The following TET3 variants were observed in gnomAD, a reference collection of about 807,000 sequenced individuals.
The protein encoded by TET3 is methylcytosine dioxygenase TET3.
TET3 carries 19 observed loss-of-function variants against 141.4 expected under a neutral mutation model. The observed-to-expected ratio is 0.13, with a 90% CI of 0.09 to 0.20. TET3 has a LOEUF of 0.20. Ranked by LOEUF, TET3 falls within the 10% of genes least tolerant of loss-of-function variation. TET3 has a pLI of 1.00. For missense variants in TET3, 1,874 were observed against 2,356.9 expected (o/e 0.80, Z 4.24); for synonymous variants, 1,043 against 980.9 (o/e 1.06, Z -1.18).
the TET3 span, among the ~76,000 whole-genome samples, chr2:74,117,121 G>A: frequency 6.6e-6 from 1 of 152,152 alleles, no homozygotes; most frequent in African/African-American, 2.4e-5. Flanking sequence ...TGTTTTGAAG[G>A]TAAAGAGATA....
chr2:74,122,187 GTTTGAGTCAC>G, the TET3 span: 1 of 152,126 alleles, frequency 6.6e-6, no homozygotes, highest in Non-Finnish European at 1.5e-5. Context: ...GATACAGCCA[GTTTGAGTCAC>G]AAATTAACAA....
At chr2:74,073,119 T>A (rs1689301216) in intron 4 of TET3, among the ~76,000 whole-genome samples, 2 of 152,200 alleles carry the variant, frequency 1.3e-5, no homozygotes, top group African/African-American at 4.8e-5. Context: ...CCAGGAGGGC[T>A]TCTTTCACTT....
intron 4 of TET3, among the ~76,000 whole-genome samples, chr2:74,055,204 G>A (rs1688149646): frequency 6.6e-6 from 1 of 152,094 alleles, no homozygotes. Context: ...CTGGCCGCGT[G>A]TTGTATTTAT....
chr2:74,061,580 T>C (rs1206858655), intron 4 of TET3, among the ~76,000 whole-genome samples: 21 of 126,856 alleles, frequency 1.7e-4, no homozygotes, highest in Admixed American at 3.9e-4. Context: ...ACGGGGCGGC[T>C]GGCCGGGCGG....
In TET3 at chr2:74,047,482, A is replaced by G. The variant is rs1687698646; in HGVS notation, c.1565A>G (p.Gln522Arg). ...CCATCCTCGGAGCCCGACACCCACCAGAAGGCCCAGACCGCCCTGCAGCAG... is the reference window on the plus strand; with the variant it reads ...CCATCCTCGGAGCCCGACACCCACCGGAAGGCCCAGACCGCCCTGCAGCAG... ...PTPSSEPDTH[Q>R]KAQTALQQHL... The change falls in exon 4 of 12, where the codon CAG becomes CGG. Residue 522 changes from glutamine (Q) to arginine (R), a missense_variant. Physicochemically the swap from Gln to Arg is conservative, Grantham distance 43 (BLOSUM62 1). Transcript: ENST00000409262. 3 of 1,612,548 alleles carry G rather than the reference A, an allele frequency of 1.9e-6. No homozygotes were observed. Among genetic ancestry groups the G allele is most frequent in the African/African-American group, 1.3e-5 (1 of 74,886 alleles).
chr2:74,100,831 A>T lies in TET3; in HGVS notation c.4043A>T (p.Asp1348Val). ...CTGCCCAGCCAGGCTGTTCCCACAG[A>T]CGCCCACCACCCCACTCCTCACCAC... ...AELPSQAVPT[D>V]AHHPTPHHQQ... The change falls in exon 12 of 12, where the codon GAC (aspartate) becomes GTC (valine). Residue 1348 changes from aspartate (D) to valine (V), a missense_variant. This residue lies in a region of TET3 where 602 missense variants were observed against 590.2 expected (regional missense o/e 1.02). Transcript: ENST00000409262. 6.2e-7 allele frequency: 1 copy of T among 1,611,834 alleles called. No individual in the cohort carries two copies. The highest frequency in any genetic ancestry group is 8.5e-7 in the Non-Finnish European group (1 of 1,179,210).
At chr2:74,091,780 G>C (rs964179590) in intron 8 of TET3, among the ~76,000 whole-genome samples, 2 of 152,166 alleles carry the variant, frequency 1.3e-5, no homozygotes, top group African/African-American at 2.4e-5. Context: ...GGTGTCCTAG[G>C]AGCCCTTCAA....
intron 3 of TET3, among the ~76,000 whole-genome samples, chr2:74,026,080 C>G (rs935349111): frequency 6.6e-6 from 1 of 152,186 alleles, no homozygotes; most frequent in Non-Finnish European, 1.5e-5. Context: ...GGCCCAGCTC[C>G]CCAGGAAGCT....
chr2:74,021,106 CT>C (rs1686017020), intron 3 of TET3, among the ~76,000 whole-genome samples: 1 of 152,254 alleles, frequency 6.6e-6, no homozygotes. Context: ...CTATCTGCCC[CT>C]ATCCCCTGCT....
At chr2:74,016,353 A>G (rs1371451755) in intron 3 of TET3, among the ~76,000 whole-genome samples, 2 of 152,108 alleles carry the variant, frequency 1.3e-5, no homozygotes, top group African/African-American at 4.8e-5. Flanking sequence ...CATGTATGCC[A>G]GGCACTGTGC....
intron 3 of TET3, among the ~76,000 whole-genome samples, chr2:74,027,767 C>T (rs1686454802): frequency 6.6e-6 from 1 of 152,144 alleles, no homozygotes; most frequent in South Asian, 2.1e-4. Context: ...ATTCTTTAGT[C>T]ACTGGACATG....
downstream of TET3, among the ~76,000 whole-genome samples, chr2:74,113,134 T>C (rs1011938377): frequency 6.7e-6 from 1 of 149,236 alleles, no homozygotes; most frequent in Non-Finnish European, 1.5e-5. Flanking sequence ...CTCACACCTA[T>C]AATCCCAGCA....
At chr2:74,065,642 TTCTC>T (rs1035076091) in intron 4 of TET3, among the ~76,000 whole-genome samples, 5 of 144,104 alleles carry the variant, frequency 3.5e-5, no homozygotes, top group South Asian at 4.4e-4. Flanking sequence ...TTCCTTCTCT[TTCTC>T]TCTCTTCTTT....
intron 4 of TET3, among the ~76,000 whole-genome samples, chr2:74,059,335 C>T (rs540991079): frequency 6.6e-6 from 1 of 152,358 alleles, no homozygotes; most frequent in Admixed American, 6.5e-5. Context: ...TTACTGCAAC[C>T]TTCGCCTCCC....
the TET3 span, among the ~76,000 whole-genome samples, chr2:74,123,943 C>T: frequency 1.4e-4 from 21 of 151,808 alleles, no homozygotes; most frequent in African/African-American, 4.8e-4. Context: ...CGTCTCTGCC[C>T]GACTGCCACC....
At chr2:74,060,152 C>A (rs1340836157) in intron 4 of TET3, among the ~76,000 whole-genome samples, 1 of 152,222 alleles carries the variant, frequency 6.6e-6, no homozygotes, top group Non-Finnish European at 1.5e-5. Flanking sequence ...TTCTCACCAG[C>A]AAATGGTGCC....
the TET3 span, among the ~76,000 whole-genome samples, chr2:74,129,426 C>T: frequency 4.1e-5 from 6 of 146,654 alleles, no homozygotes; most frequent in Non-Finnish European, 7.5e-5. Flanking sequence ...TGAGGTCAGG[C>T]GTTTGAGACC....
intron 10 of TET3, among the ~76,000 whole-genome samples, chr2:74,097,195 G>GCACACACACACACACACACA (rs146612512): frequency 1.0e-4 from 14 of 138,030 alleles, no homozygotes; most frequent in Middle Eastern, 3.5e-3. Flanking sequence ...AGCCATACAT[G>GCACACACACACACACACACA]CACACACACA....
At chr2:74,063,217 G>A (rs942362100) in intron 4 of TET3, among the ~76,000 whole-genome samples, 1 of 151,812 alleles carries the variant, frequency 6.6e-6, no homozygotes, top group Non-Finnish European at 1.5e-5. Flanking sequence ...GAGTATGCCA[G>A]GCTTCTCATG....
Sources: gnomAD v4.1 joint callset for allele counts (sites outside exome capture counted in the v4.1 genomes callset) on GRCh38, gnomAD v4.1.1 for gene constraint, gnomAD v4.1.1 regional missense constraint, MANE v1.5 for transcripts, NCBI Gene and HGNC (gene_info 2026-07-23, HGNC 2026-07-21) for gene names.